The following ZNF536 variants were observed in gnomAD, a reference collection of about 807,000 sequenced individuals.
The protein encoded by ZNF536 is zinc finger protein 536.
A neutral mutation model predicts 84.5 loss-of-function variants in ZNF536; 13 were observed. That is an observed-to-expected ratio of 0.15 (90% CI 0.10 to 0.24). The LOEUF is 0.24. ZNF536 is among the 10% of genes least tolerant of loss of function. ZNF536 has a pLI of 1.00. For synonymous variants in ZNF536, 811 were observed against 742.5 expected, an observed-to-expected ratio of 1.09 and a Z score of -1.50; for missense variants, 1,536 against 1,747.5, an observed-to-expected ratio of 0.88 and a Z score of 2.16.
chr19:30,510,732 T>C (rs576260986), intron 2 of ZNF536, among the ~76,000 whole-genome samples: 1 of 152,330 alleles, frequency 6.6e-6, no homozygotes, highest in South Asian at 2.1e-4. Flanking sequence ...AGATGCATCC[T>C]CACCTCTCTC....
At chr19:30,485,389 C>T (rs2144967940) in intron 2 of ZNF536, among the ~76,000 whole-genome samples, 1 of 152,230 alleles carries the variant, frequency 6.6e-6, no homozygotes, top group Admixed American at 6.5e-5. Context: ...ACCATCACCA[C>T]AATCAATTTT....
chr19:30,420,765 A>T (rs941488214), intron 1 of ZNF536, among the ~76,000 whole-genome samples: 14 of 152,158 alleles, frequency 9.2e-5, no homozygotes, highest in African/African-American at 3.1e-4. Flanking sequence ...TATTTGAAAT[A>T]TTCCTCTCTT....
At chr19:30,534,082 A>G (rs1863017553) in intron 2 of ZNF536, among the ~76,000 whole-genome samples, 1 of 152,262 alleles carries the variant, frequency 6.6e-6, no homozygotes, top group African/African-American at 2.4e-5. Flanking sequence ...TTTGGGTTAC[A>G]TAACAAATAA....
chr19:30,672,277 T>A (rs877770), intron 1 of ZNF536, among the ~76,000 whole-genome samples: 68,045 of 152,066 alleles, frequency 0.45, 15,523 homozygotes, highest in African/African-American at 0.54. Flanking sequence ...TGTGCTGATG[T>A]TATAGAGACT....
chr19:30,508,042 A>G (rs906939232), intron 2 of ZNF536, among the ~76,000 whole-genome samples: 2 of 152,188 alleles, frequency 1.3e-5, no homozygotes, highest in Non-Finnish European at 2.9e-5. Flanking sequence ...AGAATGAGTG[A>G]GGCCTCTCCC....
chr19:30,493,075 T>G (rs1294986611), intron 2 of ZNF536, among the ~76,000 whole-genome samples: 1 of 148,180 alleles, frequency 6.7e-6, no homozygotes, highest in Non-Finnish European at 1.5e-5. Flanking sequence ...ATATCTCTCT[T>G]GCAATATTAC....
At chr19:30,470,288 A>G (rs1166719161) in intron 2 of ZNF536, among the ~76,000 whole-genome samples, 1 of 152,144 alleles carries the variant, frequency 6.6e-6, no homozygotes, top group African/African-American at 2.4e-5. Flanking sequence ...AAGAGTCCAA[A>G]TCTTCTTATA....
chr19:30,443,151 G>A (rs950907368), intron 1 of ZNF536, among the ~76,000 whole-genome samples: 4 of 148,172 alleles, frequency 2.7e-5, no homozygotes, highest in Admixed American at 6.7e-5. Context: ...GGTTTATTTG[G>A]TCTTACAGGG....
At chr19:30,397,832 G>A (rs1036362157) in intron 1 of ZNF536, among the ~76,000 whole-genome samples, 2 of 152,116 alleles carry the variant, frequency 1.3e-5, no homozygotes, top group Admixed American at 1.3e-4. Flanking sequence ...GAAATAAATA[G>A]GCATGAGAGA....
chr19:30,456,029 A>G (rs2052823931), intron 2 of ZNF536, among the ~76,000 whole-genome samples: 1 of 152,210 alleles, frequency 6.6e-6, no homozygotes, highest in African/African-American at 2.4e-5. Context: ...TGGTTTCTGT[A>G]GTAAACACTC....
chr19:30,494,817 G>A (rs117743306), intron 2 of ZNF536, among the ~76,000 whole-genome samples: 6,022 of 151,948 alleles, frequency 0.04, 205 homozygotes, highest in East Asian at 0.18. Flanking sequence ...GTGGTGGCGT[G>A]CACCTATAAT....
At chr19:30,253,335 G>A (rs372421889) in intron 1 of ZNF536, among the ~76,000 whole-genome samples, 2 of 152,172 alleles carry the variant, frequency 1.3e-5, no homozygotes, top group Non-Finnish European at 2.9e-5. Flanking sequence ...GCCATTTCAT[G>A]TCTCTATCAA....
intron 2 of ZNF536, among the ~76,000 whole-genome samples, chr19:30,286,795 T>C (rs967630545): frequency 3.9e-5 from 6 of 152,220 alleles, no homozygotes; most frequent in African/African-American, 1.4e-4. Flanking sequence ...AGGATATAGA[T>C]AATGAGGAAT....
At chr19:30,407,327 A>G (rs1481629246) in intron 1 of ZNF536, among the ~76,000 whole-genome samples, 1 of 152,206 alleles carries the variant, frequency 6.6e-6, no homozygotes, top group Non-Finnish European at 1.5e-5. Flanking sequence ...AAACTCTCCA[A>G]CCATGATTTT....
intron 1 of ZNF536, among the ~76,000 whole-genome samples, chr19:30,708,963 C>T (rs1250621188): frequency 6.6e-6 from 1 of 152,132 alleles, no homozygotes; most frequent in African/African-American, 2.4e-5. Context: ...CAAATGAAAC[C>T]CAGCTCTGGG....
chr19:30,586,375 A>G (rs1250568154), intron 1 of ZNF536, among the ~76,000 whole-genome samples: 1 of 152,258 alleles, frequency 6.6e-6, no homozygotes, highest in Non-Finnish European at 1.5e-5. Context: ...GTTCTATTGC[A>G]TGTTAGTCAC....
chr19:30,574,992 G>A (rs147809798), intron 1 of ZNF536, among the ~76,000 whole-genome samples: 93 of 152,166 alleles, frequency 6.1e-4, no homozygotes, highest in African/African-American at 2.1e-3. Context: ...GGGTTTGTCA[G>A]TCTACACTGG....
At chr19:30,627,468 CAAAAAAAAAAAAAAAAAAAAAA>C (rs569312789) in intron 1 of ZNF536, among the ~76,000 whole-genome samples, 8 of 52,028 alleles carry the variant, frequency 1.5e-4, no homozygotes, top group Non-Finnish European at 2.2e-4. Flanking sequence ...AAGGCCCTGT[CAAAAAAAAAAAAAAAAAAAAAA>C]AAAAAAAAAA....
At chr19:30,273,788 G>A (rs972205371) in intron 1 of ZNF536, among the ~76,000 whole-genome samples, 2 of 152,032 alleles carry the variant, frequency 1.3e-5, no homozygotes, top group Non-Finnish European at 2.9e-5. Context: ...GCATCGATTT[G>A]CATTTGAAAC....
Sources: allele counts gnomAD v4.1 joint callset (sites outside exome capture counted in the v4.1 genomes callset), GRCh38; gene constraint gnomAD v4.1.1; transcripts MANE v1.5; gene names NCBI Gene and HGNC (gene_info 2026-07-23, HGNC 2026-07-21).